PKD1L3: variants seen among roughly 807,000 people sequenced by gnomAD.
PKD1L3 encodes the protein polycystin-1-like protein 3.
A neutral mutation model predicts 184.1 loss-of-function variants in PKD1L3; 239 were observed. The observed-to-expected ratio is 1.30, with a 90% CI of 1.17 to 1.45. PKD1L3 has a LOEUF of 1.45. PKD1L3 is among the 40% of genes most tolerant of loss of function. The pLI is 0.00. For synonymous variants in PKD1L3, 996 were observed against 778.8 expected, an observed-to-expected ratio of 1.28 and a Z score of -4.64; for missense variants, 2,660 against 2,067.2, an observed-to-expected ratio of 1.29 and a Z score of -5.56.
intron 8 of PKD1L3, 39 bp from the exon 9 acceptor site, chr16:71,979,951 G>T (rs2040084847): frequency 6.5e-7 from 1 of 1,548,908 alleles, no homozygotes; most frequent in Admixed American, 2.0e-5. Context: ...ATTTTTGTGT[G>T]TCCTCTGAAA....
intron 2 of PKD1L3, among the ~76,000 whole-genome samples, chr16:71,994,016 C>T (rs1022043593): frequency 1.3e-5 from 2 of 152,238 alleles, no homozygotes; most frequent in Admixed American, 6.5e-5. Flanking sequence ...GTAATGTGCC[C>T]GCCTTGGCCT....
intron 2 of PKD1L3, among the ~76,000 whole-genome samples, chr16:71,997,084 G>C (rs1305521552): frequency 6.6e-6 from 1 of 151,892 alleles, no homozygotes; most frequent in African/African-American, 2.4e-5. Context: ...TCACCCGGGA[G>C]AGTGGAAACA....
At chr16:71,979,486 C>A (rs1192348877) in intron 9 of PKD1L3, among the ~76,000 whole-genome samples, 2 of 151,990 alleles carry the variant, frequency 1.3e-5, no homozygotes, top group Admixed American at 6.6e-5. Context: ...CAAAACAAAA[C>A]AAAACAAGAA....
Position 71,947,739 on chromosome 16 carries a change from T to C in PKD1L3, c.3619-148A>G, listed in dbSNP as rs912521933. The C allele has an allele frequency of 1.3e-5, 8 of 598,144 alleles. No individual in the cohort carries two copies. In the African/African-American group the frequency reaches 1.5e-4, roughly 11 times the overall value. The allele number at this position is 598,144 out of a possible 1,614,324, so 37.1% of individuals were successfully genotyped here. A position where few individuals can be genotyped will look rare whatever the true frequency, so the allele number is the denominator to read the frequency against. On this transcript the variant is annotated intron_variant, in intron 21 of 29. Transcript: ENST00000620267. ...GAAAAACTAATTTCACATTAATTTT[T>C]GCACAATGATGGGTACCAGGAGAAG...
In PKD1L3 at chr16:71,967,169, G is replaced by A. The variant is rs1469102049; in HGVS notation, c.2433C>T (p.Leu811=). ...GACTGACGCCAGAATTGTCATGCCA[G>A]AGCCGAAGGCTGTGCAGGTTCCCTA... ...TSLGNLHSLR[L]WHDNSGVSPS... The change falls in exon 15 of 30, where the codon CTC becomes CTT. Residue 811 remains leucine, a synonymous_variant. Transcript: ENST00000620267. The A allele has an allele frequency of 6.4e-7, 1 of 1,551,710 alleles. No homozygotes were observed. The highest frequency in any genetic ancestry group is 1.4e-5 in the African/African-American group (1 of 73,170).
At position 71,993,231 on chromosome 16, in the gene PKD1L3, C is replaced by T. The variant is rs2040659892; in HGVS notation, c.520G>A (p.Asp174Asn). The change falls in exon 3 of 30, where the codon GAC becomes AAC. Residue 174 changes from aspartate (D) to asparagine (N), a missense_variant. Asp to Asn is a conservative substitution (Grantham distance 23). Coordinates refer to ENST00000620267, the MANE Select transcript of PKD1L3 (RefSeq NM_181536.2). The part of the protein sequence containing the change: ...KTKRGVAIAR[D>N]KMPPGPGHLP... ...AACGCATTACCTGGGGGCATTTTGT[C>T]TCTTGCTATTGCAACTCCTCTTTTT... is the stretch of plus-strand genomic sequence containing the variant. 6.5e-7 allele frequency: 1 copy of T among 1,547,394 alleles called. No individual in the cohort carries two copies. The highest frequency in any genetic ancestry group is 1.2e-5 in the South Asian group (1 of 83,296).
At chr16:71,978,606 C>G (rs1008382593) in intron 9 of PKD1L3, among the ~76,000 whole-genome samples, 5 of 149,498 alleles carry the variant, frequency 3.3e-5, no homozygotes, top group South Asian at 4.2e-4. Flanking sequence ...GTGGCACAAC[C>G]TCAGCTCACT....
At chr16:71,997,229 G>T (rs183380864) in intron 2 of PKD1L3, among the ~76,000 whole-genome samples, 13 of 151,948 alleles carry the variant, frequency 8.6e-5, no homozygotes, top group African/African-American at 3.1e-4. Context: ...GTGAGCACAG[G>T]TTTTCTCATT....
intron 5 of PKD1L3, among the ~76,000 whole-genome samples, chr16:71,984,966 G>A (rs189834375): frequency 2.6e-5 from 4 of 152,162 alleles, no homozygotes; most frequent in African/African-American, 9.6e-5. Flanking sequence ...AAATGGCCGC[G>A]GTCCCAAAGC....
At position 71,999,681 on chromosome 16, in the gene PKD1L3, T is replaced by C; in HGVS notation, c.295+3A>G. ...TCATAAACACTGAACCCCAGGGTCTTACCTGGGTATTTGTTGTCTTGATGC... is the reference window on the plus strand; with the variant it reads ...TCATAAACACTGAACCCCAGGGTCTCACCTGGGTATTTGTTGTCTTGATGC... On this transcript the variant is annotated splice_donor_region_variant and intron_variant, in intron 1 of 29. Transcript: ENST00000620267. 2 of 1,539,894 alleles carry C rather than the reference T, an allele frequency of 1.3e-6. No homozygotes were observed. The highest frequency in any genetic ancestry group is 1.8e-6 in the Non-Finnish European group (2 of 1,139,424).
At chr16:71,983,338 G>A (rs2040231496) in intron 6 of PKD1L3, among the ~76,000 whole-genome samples, 1 of 151,998 alleles carries the variant, frequency 6.6e-6, no homozygotes, top group Non-Finnish European at 1.5e-5. Context: ...ATAGAGACAG[G>A]GTTTCACCAT....
chr16:71,993,426 G>T, intron 2 of PKD1L3, 94 bp from the exon 3 acceptor site: 1 of 707,724 alleles, frequency 1.4e-6, no homozygotes, highest in Non-Finnish European at 2.2e-6. Context: ...GTGATAATCA[G>T]GAAAACACAA....
At position 71,967,622 on chromosome 16, in the gene PKD1L3, G is replaced by C. The variant is rs117844066; in HGVS notation, c.2286+284C>G. 0.12 allele frequency among the ~76,000 whole-genome samples: 18,867 copies of C among 152,034 alleles called. 1,661 individuals carry two copies. Among genetic ancestry groups the C allele is most frequent in the East Asian group, 0.26 (1,366 of 5,158 alleles). On this transcript the variant is annotated intron_variant, in intron 14 of 29. Coordinates refer to ENST00000620267, the MANE Select transcript of PKD1L3 (RefSeq NM_181536.2). The stretch of plus-strand genomic sequence containing the variant: ...TGTGATTATAGTCATGGGCCATCAC[G>C]CTCAGCTAATTTCTGCATTTTTAGT...
intron 11 of PKD1L3, among the ~76,000 whole-genome samples, chr16:71,976,789 C>A (rs1404248539): frequency 6.6e-6 from 1 of 152,138 alleles, no homozygotes; most frequent in East Asian, 1.9e-4. Context: ...GTCTCCCAGG[C>A]TGGAGTGCAG....
rs1190509628 is a variant in PKD1L3 at position 71,935,464 on chromosome 16, G to C, written c.4507C>G (p.Leu1503Val). Residue 1503 changes from leucine (L) to valine (V), a missense_variant, in exon 26 of 30, where the codon CTG becomes GTG. Transcript: ENST00000620267. Reference sequence around the variant, plus strand: ...CTAATGAGGATTATACTTGTGTCCAGAATGTTTCTTTTCCCAGTGAAGAAC... The same window carrying C: ...CTAATGAGGATTATACTTGTGTCCACAATGTTTCTTTTCCCAGTGAAGAAC... ...WRFFTGKRNI[L>V]DTSIILISFI... 1.3e-6 allele frequency: 2 copies of C among 1,552,034 alleles called. No homozygotes were observed. The highest frequency in any genetic ancestry group is 2.7e-5 in the African/African-American group (2 of 73,032).
In PKD1L3 at chr16:71,999,903, G is replaced by A. The variant is rs1357608644; in HGVS notation, c.76C>T (p.Pro26Ser). The A allele has an allele frequency of 1.9e-6, 3 of 1,551,622 alleles. No individual in the cohort carries two copies. Among genetic ancestry groups the A allele is most frequent in the Admixed American group, 2.0e-5 (1 of 50,984 alleles). Residue 26 changes from proline (P) to serine (S), a missense_variant, in exon 1 of 30, where the codon CCA (proline) becomes TCA (serine). Transcript: ENST00000620267. ...SIILGSELNS[P>S]APHGQNNCYQ... ...CAATTATTTTGCCCATGTGGTGCTG[G>A]GCTGTTTAGCTCACTTCCTAGAATA...
At chr16:71,982,768 A>T (rs56194729) in intron 6 of PKD1L3, among the ~76,000 whole-genome samples, 4 of 151,348 alleles carry the variant, frequency 2.6e-5, no homozygotes, top group African/African-American at 7.3e-5. Flanking sequence ...ATTTTTAAAA[A>T]TTTTTTGTAG....
At position 71,951,103 on chromosome 16, in the gene PKD1L3, G is replaced by A. The variant is rs147206347; in HGVS notation, c.3190+461C>T. ...TGCCCAAGCTGGAGTGTAGTGGCGCGATCTCAGCTCACTGCAACCTCTGCC... is the reference window on the plus strand; with the variant it reads ...TGCCCAAGCTGGAGTGTAGTGGCGCAATCTCAGCTCACTGCAACCTCTGCC... On this transcript the variant is annotated intron_variant, in intron 19 of 29. Coordinates refer to ENST00000620267, the MANE Select transcript of PKD1L3 (RefSeq NM_181536.2). Among the ~76,000 whole-genome samples, 40 of 151,436 alleles carry A rather than the reference G, an allele frequency of 2.6e-4. 1 individual carries two copies. The East Asian group carries it at 7.0e-3, about 26-fold the overall frequency.
At chr16:71,990,976 G>A (rs1273375810) in intron 3 of PKD1L3, among the ~76,000 whole-genome samples, 2 of 152,192 alleles carry the variant, frequency 1.3e-5, no homozygotes, top group Non-Finnish European at 2.9e-5. Flanking sequence ...ATTTATTACT[G>A]CATCAGCTTA....
Sources: allele counts gnomAD v4.1 joint callset (sites outside exome capture counted in the v4.1 genomes callset), GRCh38; gene constraint gnomAD v4.1.1; transcripts MANE v1.5; gene names NCBI Gene and HGNC (gene_info 2026-07-23, HGNC 2026-07-21).